The following SETDB2 variants were observed in gnomAD, a reference collection of about 807,000 sequenced individuals.
The protein encoded by SETDB2 is histone-lysine N-methyltransferase SETDB2.
In SETDB2, 56 loss-of-function variants were observed where a neutral mutation model predicts 82.5. The observed-to-expected ratio is 0.68, with a 90% CI of 0.55 to 0.85. SETDB2 has a LOEUF of 0.85. SETDB2 is among the 40% of genes least tolerant of loss of function. The pLI is 0.00. For synonymous variants in SETDB2, 272 were observed against 284.9 expected (o/e 0.95, Z 0.46); for missense variants, 677 against 816.4 (o/e 0.83, Z 2.08).
chr13:49,447,750 A>G (rs1957717874), intron 1 of SETDB2, among the ~76,000 whole-genome samples: 1 of 152,108 alleles, frequency 6.6e-6, no homozygotes, highest in Admixed American at 6.5e-5. Flanking sequence ...TTCTTATTCT[A>G]CTGCTGGATA....
chr13:49,449,423 G>A (rs1378535221), intron 1 of SETDB2, among the ~76,000 whole-genome samples: 1 of 151,946 alleles, frequency 6.6e-6, no homozygotes, highest in Non-Finnish European at 1.5e-5. Flanking sequence ...GCTAATTTTT[G>A]TATTTTTGGT....
chr13:49,459,955 A>G (rs552008457), intron 2 of SETDB2, 152 bp from the exon 3 acceptor site: 3 of 639,186 alleles, frequency 4.7e-6, no homozygotes, highest in South Asian at 5.4e-5. Context: ...TTGTAAGGAA[A>G]CATTACTAAA....
chr13:49,491,773 A>G lies in SETDB2; in HGVS notation c.2048A>G (p.Tyr683Cys). The change falls in exon 14 of 14, where the codon TAT becomes TGT. Residue 683 changes from tyrosine to cysteine, a missense_variant. Transcript: ENST00000611815. ...ARTELTWDYGYEAGTVPEKEI... is the reference protein window; with the variant it reads ...ARTELTWDYGCEAGTVPEKEI... Reference sequence around the variant, plus strand: ...ACAGAGCTAACATGGGATTATGGCTATGAAGCTGGGACTGTGCCTGAGAAG... The same window carrying G: ...ACAGAGCTAACATGGGATTATGGCTGTGAAGCTGGGACTGTGCCTGAGAAG... The G allele has an allele frequency of 6.2e-7, 1 of 1,613,138 alleles. No individual in the cohort carries two copies. The highest frequency in any genetic ancestry group is 1.1e-5 in the South Asian group (1 of 90,884).
intron 6 of SETDB2, among the ~76,000 whole-genome samples, chr13:49,479,670 A>G (rs1958440773): frequency 6.6e-6 from 1 of 152,188 alleles, no homozygotes; most frequent in Non-Finnish European, 1.5e-5. Flanking sequence ...ATGGTTCCCT[A>G]TCAAGTTAGT....
chr13:49,487,601 C>G (rs184828902), intron 11 of SETDB2, among the ~76,000 whole-genome samples: 27 of 152,292 alleles, frequency 1.8e-4, no homozygotes, highest in African/African-American at 6.3e-4. Flanking sequence ...CTTGGCCTCC[C>G]AAAGTGCTGG....
intron 3 of SETDB2, 48 bp from the exon 4 acceptor site, chr13:49,461,049 G>A (rs767378337): frequency 7.2e-7 from 1 of 1,388,636 alleles, no homozygotes; most frequent in Admixed American, 1.8e-5. Flanking sequence ...ACAGTAGCTG[G>A]CACCATAAAT....
At chr13:49,489,656 G>C (rs1265680925) in intron 12 of SETDB2, among the ~76,000 whole-genome samples, 2 of 137,026 alleles carry the variant, frequency 1.5e-5, no homozygotes, top group African/African-American at 5.6e-5. Flanking sequence ...GAGTGCAGTG[G>C]TGTGATCTCG....
intron 11 of SETDB2, among the ~76,000 whole-genome samples, chr13:49,487,305 A>G (rs749896393): frequency 6.6e-6 from 1 of 152,014 alleles, no homozygotes; most frequent in African/African-American, 2.4e-5. Context: ...AGTAATTTAT[A>G]CTTACTCCAT....
chr13:49,488,036 C>T (rs1402451436), intron 11 of SETDB2, among the ~76,000 whole-genome samples: 1 of 152,162 alleles, frequency 6.6e-6, no homozygotes, highest in Admixed American at 6.5e-5. Flanking sequence ...GGCATTGTTA[C>T]GTAGTAGAAA....
At chr13:49,474,629 T>C (rs1184532749) in intron 5 of SETDB2, among the ~76,000 whole-genome samples, 1 of 152,262 alleles carries the variant, frequency 6.6e-6, no homozygotes, top group African/African-American at 2.4e-5. Flanking sequence ...AAAAGATCAC[T>C]GTGTAAGTTA....
chr13:49,485,777 C>T, intron 11 of SETDB2, 54 bp downstream of exon 11: 1 of 1,332,586 alleles, frequency 7.5e-7, no homozygotes, highest in East Asian at 2.3e-5. Context: ...TTCTCTGTCT[C>T]TTGCTCAATA....
At chr13:49,458,371 A>G (rs1364331665) in intron 2 of SETDB2, among the ~76,000 whole-genome samples, 1 of 152,164 alleles carries the variant, frequency 6.6e-6, no homozygotes, top group African/African-American at 2.4e-5. Context: ...TACTGTGCCC[A>G]GTTTGTTATT....
chr13:49,465,644 C>T (rs1958092130), intron 4 of SETDB2, among the ~76,000 whole-genome samples: 1 of 151,988 alleles, frequency 6.6e-6, no homozygotes, highest in Admixed American at 6.6e-5. Context: ...TCAAGCGATT[C>T]TCCTGCCTCA....
chr13:49,454,208 G>T (rs528628763), intron 2 of SETDB2, among the ~76,000 whole-genome samples: 37 of 151,990 alleles, frequency 2.4e-4, no homozygotes, highest in Non-Finnish European at 4.3e-4. Flanking sequence ...AGTTAGACCA[G>T]CCTGGTAAAC....
rs1021322422 is a variant in SETDB2, at chr13:49,494,545, T to C, written c.*2696T>C. On this transcript the variant is annotated 3_prime_UTR_variant, in exon 14 of 14. Coordinates refer to ENST00000611815, the MANE Select transcript of SETDB2 (RefSeq NM_001160308.3). ...TTGTTTTACTATGACCTACCTGAGC[T>C]ATCTTGCTGGGGAACACCCTAATGT... 5.9e-5 allele frequency: 9 copies of C among 152,226 alleles called. No homozygotes were observed. Among genetic ancestry groups the C allele is most frequent in the Non-Finnish European group, 1.3e-4 (9 of 68,036 alleles). 9.4% of individuals were successfully genotyped at this position (152,226 alleles called of 1,614,324 possible).
chr13:49,493,432 T>C lies in SETDB2; in HGVS notation c.*1583T>C, dbSNP rs1247893444. The C allele has an allele frequency of 6.6e-6, 1 of 152,160 alleles. No homozygotes were observed. Among genetic ancestry groups the C allele is most frequent in the Admixed American group, 6.5e-5 (1 of 15,268 alleles). The allele number at this position is 152,160 out of a possible 1,614,324, so 9.4% of individuals were successfully genotyped here. ...TGTCAGTTTTATCTTCTTGGAGAAATTTCTCCTAAAATCTTGATTTGCTTT... is the reference window on the plus strand; with the variant it reads ...TGTCAGTTTTATCTTCTTGGAGAAACTTCTCCTAAAATCTTGATTTGCTTT... On this transcript the variant is annotated 3_prime_UTR_variant, in exon 14 of 14. Transcript: ENST00000611815.
chr13:49,472,020 C>G (rs1426214009), intron 5 of SETDB2, among the ~76,000 whole-genome samples: 1 of 150,384 alleles, frequency 6.6e-6, no homozygotes, highest in Admixed American at 6.6e-5. Context: ...ATCCTCCCAC[C>G]TCGGCCTGCC....
chr13:49,480,910 G>A (rs768784708), intron 7 of SETDB2, 37 bp from the exon 8 acceptor site: 2 of 1,608,348 alleles, frequency 1.2e-6, no homozygotes, highest in Non-Finnish European at 1.7e-6. Flanking sequence ...TGCTTTTTGA[G>A]ATGTCTGATT....
chr13:49,460,082 G>A (rs1337749958), intron 2 of SETDB2, 25 bp from the exon 3 acceptor site: 1 of 1,603,628 alleles, frequency 6.2e-7, no homozygotes, highest in South Asian at 1.1e-5. Flanking sequence ...TTAGCTCTTA[G>A]GCTAGTCACT....
Sources: gnomAD v4.1 joint callset for allele counts (sites outside exome capture counted in the v4.1 genomes callset) on GRCh38, gnomAD v4.1.1 for gene constraint, MANE v1.5 for transcripts, NCBI Gene and HGNC (gene_info 2026-07-23, HGNC 2026-07-21) for gene names.